BIRC7: variants seen among roughly 807,000 people sequenced by gnomAD.
The protein encoded by BIRC7 is baculoviral IAP repeat containing 7.
In BIRC7, 26 loss-of-function variants were observed where a neutral mutation model predicts 33.2. The observed-to-expected ratio is 0.78, with a 90% CI of 0.57 to 1.09. BIRC7 has a LOEUF of 1.09. BIRC7 is among the 50% of genes least tolerant of loss of function. BIRC7 has a pLI of 0.00. For missense variants in BIRC7, 409 were observed against 401.2 expected (o/e 1.02, Z -0.17); for synonymous variants, 176 against 171.0 (o/e 1.03, Z -0.23).
At position 63,238,497 on chromosome 20, in the gene BIRC7, G is replaced by A. The variant is rs375365000; in HGVS notation, c.531+20G>A. The A allele has an allele frequency of 3.8e-5, 62 of 1,612,808 alleles. 1 individual carries two copies. The African/African-American group carries it at 5.6e-4, about 15-fold the overall frequency. On this transcript the variant is annotated intron_variant, in intron 3 of 6. Transcript: ENST00000217169. ...TCCTGGGTGAGCGCCACCTCTCCTC[G>A]GGGCTCCGGGTGGCAGTGGGGTCCT...
At position 63,236,022 on chromosome 20, in the gene BIRC7, C is replaced by T. The variant is rs1422639494; in HGVS notation, c.-75C>T. On this transcript the variant is annotated 5_prime_UTR_variant, in exon 1 of 7. Transcript: ENST00000217169. ...CGGGGGTCAGGAGCTCCAGAAGGGC[C>T]AGCTGGGCATATTCTGAGATTGGCC... 1 of 1,458,332 alleles carries T rather than the reference C, an allele frequency of 6.9e-7. No individual in the cohort carries two copies. The allele number at this position is 1,458,332 out of a possible 1,614,324, so 90.3% of individuals were successfully genotyped here. A position where few individuals can be genotyped will look rare whatever the true frequency, so the allele number is the denominator to read the frequency against.
intron 4 of BIRC7, 118 bp from the exon 5 acceptor site, chr20:63,239,044 C>T (rs2066712288): frequency 5.7e-6 from 6 of 1,049,646 alleles, no homozygotes; most frequent in African/African-American, 1.6e-5. Context: ...AGCGGGGATA[C>T]TCTGCAGCCC....
At chr20:63,238,146 G>T in intron 2 of BIRC7, 144 bp downstream of exon 2, 1 of 918,168 alleles carries the variant, frequency 1.1e-6, no homozygotes. Context: ...AGGTGCTTCT[G>T]GCCGGCAGGT....
At chr20:63,238,050 T>G (rs989829035) in intron 2 of BIRC7, 48 bp downstream of exon 2, 1 of 1,468,236 alleles carries the variant, frequency 6.8e-7, no homozygotes, top group Non-Finnish European at 9.2e-7. Flanking sequence ...GGGTAGGGGG[T>G]GGGCCCCCAA....
intron 4 of BIRC7, 52 bp from the exon 5 acceptor site, chr20:63,239,110 C>T (rs1172448100): frequency 5.7e-6 from 9 of 1,577,394 alleles, no homozygotes; most frequent in African/African-American, 1.4e-5. Context: ...TCTGGGCCGG[C>T]CCAGCTTTCT....
chr20:63,238,289 C>A, intron 2 of BIRC7, 107 bp from the exon 3 acceptor site: 2 of 1,351,916 alleles, frequency 1.5e-6, no homozygotes, highest in Non-Finnish European at 2.1e-6. Context: ...ACGGGCACTG[C>A]AGGGTGGCGG....
At chr20:63,239,052 C>G in intron 4 of BIRC7, 110 bp from the exon 5 acceptor site, 1 of 1,107,774 alleles carries the variant, frequency 9.0e-7, no homozygotes, top group Non-Finnish European at 1.3e-6. Context: ...TACTCTGCAG[C>G]CCCTCCACTC....
rs1656289667 is a variant in BIRC7 at position 63,240,313 on chromosome 20, C to G, written c.*63C>G. The G allele has an allele frequency of 6.5e-6, 1 of 153,956 alleles. No individual in the cohort carries two copies. The highest frequency in any genetic ancestry group is 1.4e-5 in the Non-Finnish European group (1 of 69,368). The allele number at this position is 153,956 out of a possible 1,614,324, so 9.5% of individuals were successfully genotyped here. ...GGCTCCCTGCCCCTCTCTGCCTGTT[C>G]TGGACTGTGTTCTGGGCCTGCTGAG... On this transcript the variant is annotated 3_prime_UTR_variant, in exon 7 of 7. Transcript: ENST00000217169.
Position 63,236,242 on chromosome 20 carries a change from A to G in BIRC7, c.146A>G (p.Asp49Gly). The change falls in exon 1 of 7, where the codon GAC becomes GGC. Residue 49 changes from aspartate to glycine, a missense_variant. Physicochemically the swap from Asp to Gly is moderately conservative, Grantham distance 94 (BLOSUM62 -1). Coordinates refer to ENST00000217169, the MANE Select transcript of BIRC7 (RefSeq NM_139317.3). The part of the protein sequence containing the change: ...VLGLDTCRAW[D>G]HVDGQILGQL... ...GGCCTGGACACCTGCAGAGCCTGGG[A>G]CCACGTGGATGGGCAGATCCTGGGC... The G allele has an allele frequency of 5.6e-6, 9 of 1,600,166 alleles. No individual in the cohort carries two copies. Among genetic ancestry groups the G allele is most frequent in the Non-Finnish European group, 7.7e-6 (9 of 1,173,190 alleles).
At position 63,239,539 on chromosome 20, in the gene BIRC7, C is replaced by G. The variant is rs768068287; in HGVS notation, c.831C>G (p.Pro277=). 6.2e-7 allele frequency: 1 copy of G among 1,604,074 alleles called. No homozygotes were observed. Among genetic ancestry groups the G allele is most frequent in the South Asian group, 1.1e-5 (1 of 91,034 alleles). The change falls in exon 6 of 7, where the codon CCC becomes CCG. Residue 277 remains proline, a synonymous_variant. Coordinates refer to ENST00000217169, the MANE Select transcript of BIRC7 (RefSeq NM_139317.3). ...ACCTGGTCTGTGCTGAGTGTGCCCC[C>G]GGCCTGCAGCTGTGCCCCATCTGCA... The part of the protein sequence containing the change: ...CGHLVCAECA[P]GLQLCPICRA...
At chr20:63,236,923 T>A (rs2066692628) in intron 1 of BIRC7, among the ~76,000 whole-genome samples, 1 of 152,234 alleles carries the variant, frequency 6.6e-6, no homozygotes, top group African/African-American at 2.4e-5. Context: ...AACCTGCAGC[T>A]ACTGTCTGGT....
At position 63,239,453 on chromosome 20, in the gene BIRC7, G is replaced by A; in HGVS notation, c.745G>A (p.Glu249Lys). 3 of 1,606,902 alleles carry A rather than the reference G, an allele frequency of 1.9e-6. No homozygotes were observed. The highest frequency in any genetic ancestry group is 1.1e-5 in the South Asian group (1 of 91,080). The change falls in exon 6 of 7, where the codon GAG becomes AAG. Residue 249 changes from glutamate (E) to lysine (K), a missense_variant. By Grantham distance (56) the Glu-to-Lys change is moderately conservative. Transcript: ENST00000217169. ...VEAQLRRLQE[E>K]RTCKVCLDRA... The stretch of plus-strand genomic sequence containing the variant: ...GGCGCAGCTGCGGCGGCTGCAGGAG[G>A]AGAGGACGTGCAAGGTGTGCCTGGA...
In BIRC7 at chr20:63,236,064, G is replaced by T. The variant is rs770769230; in HGVS notation, c.-33G>T. 8.8e-6 allele frequency: 13 copies of T among 1,485,200 alleles called. No individual in the cohort carries two copies. Among genetic ancestry groups the T allele is most frequent in the Non-Finnish European group, 1.2e-5 (13 of 1,107,550 alleles). 92.0% of individuals were successfully genotyped at this position (1,485,200 alleles called of 1,614,324 possible). On this transcript the variant is annotated 5_prime_UTR_variant, in exon 1 of 7. Coordinates refer to ENST00000217169, the MANE Select transcript of BIRC7 (RefSeq NM_139317.3). ...AGATTGGCCATCAGCCCCCATTTCT[G>T]CTGCAAACCTGGTCAGAGCCAGTGT...
At chr20:63,239,045 T>C in intron 4 of BIRC7, 117 bp from the exon 5 acceptor site, 2 of 1,055,042 alleles carry the variant, frequency 1.9e-6, no homozygotes, top group Non-Finnish European at 2.8e-6. Context: ...GCGGGGATAC[T>C]CTGCAGCCCC....
intron 1 of BIRC7, among the ~76,000 whole-genome samples, chr20:63,237,155 G>A (rs2066694638): frequency 6.6e-6 from 1 of 152,158 alleles, no homozygotes; most frequent in Non-Finnish European, 1.5e-5. Flanking sequence ...GCACCATCCT[G>A]GTAAGGCTGG....
Position 63,239,630 on chromosome 20 carries a change from G to T in BIRC7, c.*5+20G>T, listed in dbSNP as rs758391788. On this transcript the variant is annotated intron_variant, in intron 6 of 6. Coordinates refer to ENST00000217169, the MANE Select transcript of BIRC7 (RefSeq NM_139317.3). ...GGCCAGGTGAGCGCCCCAGCACCAC[G>T]CGCAGCCAGCCCTCCTGCGGAGGGG... 1.3e-6 allele frequency: 2 copies of T among 1,575,448 alleles called. No homozygotes were observed. Among genetic ancestry groups the T allele is most frequent in the Admixed American group, 1.7e-5 (1 of 58,748 alleles).
Position 63,237,971 on chromosome 20 carries a change from C to A in BIRC7, c.418C>A (p.Pro140Thr). The change falls in exon 2 of 7, where the codon CCC (proline) becomes ACC (threonine). Residue 140 changes from proline (P) to threonine (T), a missense_variant. Transcript: ENST00000217169. ...GLQSWKRGDD[P>T]WTEHAKWFPS... ...GCAGAGCTGGAAGCGCGGGGACGAC[C>A]CCTGGACGGAGCATGCCAAGTGGTT... is the stretch of plus-strand genomic sequence containing the variant. 3 of 1,607,344 alleles carry A rather than the reference C, an allele frequency of 1.9e-6. No homozygotes were observed. Among genetic ancestry groups the A allele is most frequent in the Non-Finnish European group, 2.5e-6 (3 of 1,177,918 alleles).
In BIRC7 at chr20:63,236,047, C is replaced by T. The variant is rs770373655; in HGVS notation, c.-50C>T. The T allele has an allele frequency of 1.4e-6, 2 of 1,472,030 alleles. No homozygotes were observed. The highest frequency in any genetic ancestry group is 1.8e-6 in the Non-Finnish European group (2 of 1,101,040). 91.2% of individuals were successfully genotyped at this position (1,472,030 alleles called of 1,614,324 possible). A position where few individuals can be genotyped will look rare whatever the true frequency, so the allele number is the denominator to read the frequency against. On this transcript the variant is annotated 5_prime_UTR_variant, in exon 1 of 7. Transcript: ENST00000217169. ...CAGCTGGGCATATTCTGAGATTGGCCATCAGCCCCCATTTCTGCTGCAAAC... is the reference window on the plus strand; with the variant it reads ...CAGCTGGGCATATTCTGAGATTGGCTATCAGCCCCCATTTCTGCTGCAAAC...
Position 63,237,987 on chromosome 20 carries a change from C to T in BIRC7, c.434C>T (p.Ala145Val). ...KRGDDPWTEHAKWFPSCQFLL... is the reference protein window; with the variant it reads ...KRGDDPWTEHVKWFPSCQFLL... ...GGGGACGACCCCTGGACGGAGCATG[C>T]CAAGTGGTTCCCCAGGTACCGGCTG... The change falls in exon 2 of 7, where the codon GCC (alanine) becomes GTC (valine). Residue 145 changes from alanine to valine, a missense_variant. Physicochemically the swap from Ala to Val is moderately conservative, Grantham distance 64 (BLOSUM62 0). Coordinates refer to ENST00000217169, the MANE Select transcript of BIRC7 (RefSeq NM_139317.3). 1.9e-6 allele frequency: 3 copies of T among 1,600,384 alleles called. No homozygotes were observed. Among genetic ancestry groups the T allele is most frequent in the Non-Finnish European group, 2.6e-6 (3 of 1,175,170 alleles).
Sources: gnomAD v4.1 joint callset for allele counts (sites outside exome capture counted in the v4.1 genomes callset) on GRCh38, gnomAD v4.1.1 for gene constraint, MANE v1.5 for transcripts, NCBI Gene and HGNC (gene_info 2026-07-23, HGNC 2026-07-21) for gene names.